The following TMEM41B variants were observed in gnomAD, a reference collection of about 807,000 sequenced individuals.
TMEM41B encodes the protein transmembrane protein 41B.
A neutral mutation model predicts 31.9 loss-of-function variants in TMEM41B; 18 were observed. That is an observed-to-expected ratio of 0.56 (90% CI 0.39 to 0.84). The LOEUF (loss-of-function observed/expected upper bound fraction) is 0.84. Ranked by LOEUF, TMEM41B falls within the 40% of genes least tolerant of loss-of-function variation. The probability of loss-of-function intolerance (pLI) is 0.00; values close to 1 mark genes in which losing one functional copy is unlikely to be tolerated. For missense variants in TMEM41B, 322 were observed against 348.0 expected, an observed-to-expected ratio of 0.93 and a Z score of 0.59; for synonymous variants, 144 against 124.3, an observed-to-expected ratio of 1.16 and a Z score of -1.05.
chr11:9,296,045 C>T (rs1376140979), intron 2 of TMEM41B, among the ~76,000 whole-genome samples: 5 of 142,880 alleles, frequency 3.5e-5, no homozygotes, highest in African/African-American at 7.8e-5. Context: ...TTAGTAGAGA[C>T]GGGGTTTCAC....
At chr11:9,304,610 T>G (rs1365793071) in intron 1 of TMEM41B, among the ~76,000 whole-genome samples, 1 of 151,218 alleles carries the variant, frequency 6.6e-6, no homozygotes, top group Non-Finnish European at 1.5e-5. Flanking sequence ...CTCAGCCTCC[T>G]GACTAGCTGG....
intron 3 of TMEM41B, among the ~76,000 whole-genome samples, chr11:9,292,296 A>G (rs1852977438): frequency 6.6e-6 from 1 of 152,218 alleles, no homozygotes; most frequent in South Asian, 2.1e-4. Flanking sequence ...GCTTCCTTTT[A>G]AATGGGAATG....
At chr11:9,311,381 C>T (rs1406005685) in intron 1 of TMEM41B, 1 of 1,466,868 alleles carries the variant, frequency 6.8e-7, no homozygotes. Flanking sequence ...TGCCCACTAT[C>T]ACTGCTGGTC....
intron 6 of TMEM41B, among the ~76,000 whole-genome samples, chr11:9,285,038 A>T (rs367939532): frequency 6.6e-6 from 1 of 151,138 alleles, no homozygotes; most frequent in African/African-American, 2.4e-5. Context: ...CCCCATGCTG[A>T]TGTAAGTTTG....
At chr11:9,285,040 G>T (rs1016362480) in intron 6 of TMEM41B, among the ~76,000 whole-genome samples, 2 of 150,464 alleles carry the variant, frequency 1.3e-5, no homozygotes, top group Non-Finnish European at 1.5e-5. Context: ...CCATGCTGAT[G>T]TAAGTTTGTC....
At chr11:9,314,186 G>C (rs1343457857) in intron 1 of TMEM41B, 135 bp downstream of exon 1, 3 of 1,197,586 alleles carry the variant, frequency 2.5e-6, no homozygotes, top group Admixed American at 5.9e-5. Flanking sequence ...CTCCCCCACG[G>C]TCTCTGCTCC....
In TMEM41B at chr11:9,314,455, T is replaced by C. The variant is rs1564971319; in HGVS notation, c.-14A>G. The stretch of plus-strand genomic sequence containing the variant: ...GCCTTTCGCCATGGCTGCTGCAAGG[T>C]GAAGGGAGCGGTGCGGTGCCGCGCC... On this transcript the variant is annotated 5_prime_UTR_variant, in exon 1 of 7. Transcript: ENST00000528080. The C allele has an allele frequency of 1.3e-6, 2 of 1,551,738 alleles. No homozygotes were observed. Among genetic ancestry groups the C allele is most frequent in the Non-Finnish European group, 1.7e-6 (2 of 1,147,100 alleles).
intron 3 of TMEM41B, among the ~76,000 whole-genome samples, chr11:9,290,838 G>A (rs1454962638): frequency 6.6e-6 from 1 of 152,138 alleles, no homozygotes; most frequent in African/African-American, 2.4e-5. Flanking sequence ...CATATTTCAG[G>A]CTGGGCACCG....
intron 1 of TMEM41B, among the ~76,000 whole-genome samples, chr11:9,306,405 G>T (rs1290575976): frequency 6.6e-6 from 1 of 152,046 alleles, no homozygotes; most frequent in Admixed American, 6.5e-5. Context: ...AGAATTCGCC[G>T]GGCATGGCGG....
At chr11:9,308,235 G>A (rs1245659856) in intron 1 of TMEM41B, among the ~76,000 whole-genome samples, 1 of 152,000 alleles carries the variant, frequency 6.6e-6, no homozygotes, top group Non-Finnish European at 1.5e-5. Context: ...CCCAGCTACT[G>A]GGGAGGCTGA....
intron 2 of TMEM41B, among the ~76,000 whole-genome samples, chr11:9,299,044 G>A (rs1200635728): frequency 1.3e-5 from 2 of 151,844 alleles, no homozygotes; most frequent in Non-Finnish European, 2.9e-5. Flanking sequence ...ACTTTGGGAG[G>A]CCGAGGCAGG....
chr11:9,301,697 A>G (rs1039079326), intron 1 of TMEM41B, among the ~76,000 whole-genome samples: 1 of 152,190 alleles, frequency 6.6e-6, no homozygotes, highest in Non-Finnish European at 1.5e-5. Flanking sequence ...ACCTCACCCA[A>G]GTAGTAACAA....
rs926443708 is a variant in TMEM41B, at chr11:9,280,983, A to G, written c.*2441T>C. Reference sequence around the variant, plus strand: ...CTTTCTTGACAGTCAATGATGATGAATCTGGAAAAACTGTCTATTCTCTTA... The same window carrying G: ...CTTTCTTGACAGTCAATGATGATGAGTCTGGAAAAACTGTCTATTCTCTTA... On this transcript the variant is annotated 3_prime_UTR_variant, in exon 7 of 7. Transcript: ENST00000528080. 1 of 152,162 alleles carries G rather than the reference A, an allele frequency of 6.6e-6. No homozygotes were observed. Among genetic ancestry groups the G allele is most frequent in the African/African-American group, 2.4e-5 (1 of 41,440 alleles). 9.4% of individuals were successfully genotyped at this position (152,162 alleles called of 1,614,324 possible). A position where few individuals can be genotyped will look rare whatever the true frequency, so the allele number is the denominator to read the frequency against.
At chr11:9,293,821 A>G (rs1590377043) in intron 3 of TMEM41B, among the ~76,000 whole-genome samples, 1 of 151,962 alleles carries the variant, frequency 6.6e-6, no homozygotes, top group South Asian at 2.1e-4. Context: ...ACCTCACGTG[A>G]TTCACCCGCC....
rs1050512520 is a variant in TMEM41B, at chr11:9,299,758, A to G, written c.122-57T>C. 9 of 1,223,068 alleles carry G rather than the reference A, an allele frequency of 7.4e-6. No homozygotes were observed. The African/African-American group carries it at 1.4e-4, about 19-fold the overall frequency. 75.8% of individuals were successfully genotyped at this position (1,223,068 alleles called of 1,614,324 possible). On this transcript the variant is annotated intron_variant, in intron 1 of 6. Coordinates refer to ENST00000528080, the MANE Select transcript of TMEM41B (RefSeq NM_015012.4). Reference sequence around the variant, plus strand: ...AATATAAAGGAAGACATGCTAGCAAATAATTTCTGTACATGCTTTCCTTCC... The same window carrying G: ...AATATAAAGGAAGACATGCTAGCAAGTAATTTCTGTACATGCTTTCCTTCC...
intron 1 of TMEM41B, among the ~76,000 whole-genome samples, chr11:9,306,319 T>C (rs539393744): frequency 4.6e-5 from 7 of 152,158 alleles, no homozygotes; most frequent in African/African-American, 1.4e-4. Context: ...TCCATCATAC[T>C]AATTCCCAGT....
At chr11:9,305,062 G>A (rs921116051) in intron 1 of TMEM41B, among the ~76,000 whole-genome samples, 1 of 152,118 alleles carries the variant, frequency 6.6e-6, no homozygotes, top group Non-Finnish European at 1.5e-5. Flanking sequence ...AAAGTGCTGG[G>A]ATTACTGGTA....
At chr11:9,287,851 TACTC>T (rs758892023) in intron 4 of TMEM41B, 45 bp from the exon 5 acceptor site, 7 of 1,430,974 alleles carry the variant, frequency 4.9e-6, no homozygotes, top group East Asian at 4.6e-5. Flanking sequence ...TTTTCCGTCT[TACTC>T]ACATTGATTT....
intron 2 of TMEM41B, among the ~76,000 whole-genome samples, chr11:9,298,304 C>CA (rs1299657335): frequency 6.7e-6 from 1 of 149,572 alleles, no homozygotes; most frequent in African/African-American, 2.5e-5. Flanking sequence ...ACTAAAAATA[C>CA]AAAAATTAGC....
Sources: gnomAD v4.1 joint callset for allele counts (sites outside exome capture counted in the v4.1 genomes callset) on GRCh38, gnomAD v4.1.1 for gene constraint, MANE v1.5 for transcripts, NCBI Gene and HGNC (gene_info 2026-07-23, HGNC 2026-07-21) for gene names.